The following CSE1L variants were observed in gnomAD, a reference collection of about 807,000 sequenced individuals.
CSE1L encodes the protein exportin-2.
Under a neutral mutation model 120.4 loss-of-function variants are expected in CSE1L, and 24 were observed. The ratio of observed to expected loss-of-function variants is 0.20; its 90% CI spans 0.14 to 0.28. CSE1L has a LOEUF of 0.28. Ranked by LOEUF, CSE1L falls within the 10% of genes least tolerant of loss-of-function variation. The pLI, the probability that CSE1L is intolerant of heterozygous loss-of-function variation, is 1.00. For missense variants in CSE1L, 830 were observed against 1,145.2 expected (o/e 0.72, Z 3.97); for synonymous variants, 402 against 398.3 (o/e 1.01, Z -0.11).
chr20:49,091,471 C>T (rs1421094970), intron 21 of CSE1L, among the ~76,000 whole-genome samples: 2 of 150,444 alleles, frequency 1.3e-5, no homozygotes, highest in Non-Finnish European at 3.0e-5. Context: ...CAGTGGCTCT[C>T]ATCTGTAATC....
chr20:49,080,539 C>A (rs543935352), intron 14 of CSE1L, among the ~76,000 whole-genome samples: 1 of 152,100 alleles, frequency 6.6e-6, no homozygotes, highest in Non-Finnish European at 1.5e-5. Flanking sequence ...GGCAATGGAA[C>A]GATCTCGGCT....
chr20:49,085,477 T>A, intron 16 of CSE1L, 91 bp downstream of exon 16: 1 of 760,172 alleles, frequency 1.3e-6, no homozygotes, highest in Non-Finnish European at 2.1e-6. Context: ...TTATACAGTC[T>A]ATGAACCAGA....
chr20:49,078,835 A>G (rs2091988753), intron 14 of CSE1L, among the ~76,000 whole-genome samples: 1 of 152,220 alleles, frequency 6.6e-6, no homozygotes, highest in Non-Finnish European at 1.5e-5. Flanking sequence ...TAATGTCCAC[A>G]CATTGCTTAC....
chr20:49,080,662 G>A (rs752847688), intron 14 of CSE1L, among the ~76,000 whole-genome samples: 14 of 152,080 alleles, frequency 9.2e-5, no homozygotes, highest in Admixed American at 2.0e-4. Flanking sequence ...TTTTAGTAGA[G>A]ACGGGGTTTC....
intron 3 of CSE1L, among the ~76,000 whole-genome samples, chr20:49,065,313 ATTTTTTTTTTTTTTTT>A (rs376073464): frequency 5.8e-5 from 3 of 52,080 alleles, no homozygotes; most frequent in Non-Finnish European, 1.1e-4. Flanking sequence ...TGAAAAAAAA[ATTTTTTTTTTTTTTTT>A]TTTTTTTTTT....
chr20:49,051,703 T>C (rs2091767512), intron 1 of CSE1L, among the ~76,000 whole-genome samples: 1 of 152,200 alleles, frequency 6.6e-6, no homozygotes, highest in Non-Finnish European at 1.5e-5. Context: ...AGGATAAATT[T>C]TATCTTTTTT....
At chr20:49,085,148 ACTGT>A (rs1568783637) in intron 15 of CSE1L, 131 bp from the exon 16 acceptor site, 6 of 670,562 alleles carry the variant, frequency 8.9e-6, no homozygotes, top group Non-Finnish European at 7.9e-6. Flanking sequence ...ATTTTCCTAA[ACTGT>A]CTATCAATTG....
chr20:49,051,372 G>A (rs892733116), intron 1 of CSE1L, among the ~76,000 whole-genome samples: 2 of 138,706 alleles, frequency 1.4e-5, no homozygotes, highest in Admixed American at 6.9e-5. Flanking sequence ...CGGTGAAACC[G>A]CATCTTTACT....
At chr20:49,060,775 CAAA>C (rs3092475) in intron 2 of CSE1L, among the ~76,000 whole-genome samples, 6 of 136,776 alleles carry the variant, frequency 4.4e-5, no homozygotes, top group Non-Finnish European at 8.0e-5. Context: ...GACTTTGTCT[CAAA>C]AAAAAAAAAA....
At chr20:49,072,083 T>G (rs6512567) in intron 8 of CSE1L, among the ~76,000 whole-genome samples, 54,944 of 152,062 alleles carry the variant, frequency 0.36, 10,748 homozygotes, top group African/African-American at 0.53. Flanking sequence ...ACTGTTTGAA[T>G]CTAATACGGA....
chr20:49,092,195 ATC>A (rs1790296138), intron 22 of CSE1L, 68 bp downstream of exon 22: 1 of 807,752 alleles, frequency 1.2e-6, no homozygotes, highest in Admixed American at 2.6e-5. Flanking sequence ...ACAAATCAGT[ATC>A]TCTGTCTTAT....
intron 6 of CSE1L, among the ~76,000 whole-genome samples, chr20:49,067,674 A>G (rs545532840): frequency 1.3e-5 from 2 of 152,102 alleles, no homozygotes; most frequent in East Asian, 3.9e-4. Flanking sequence ...ACTTTCCTGA[A>G]TGTGTTCTTG....
At chr20:49,070,129 A>G (rs2091921655) in intron 7 of CSE1L, 76 bp from the exon 8 acceptor site, 1 of 685,350 alleles carries the variant, frequency 1.5e-6, no homozygotes, top group Non-Finnish European at 2.5e-6. Context: ...TGTTTTGTCC[A>G]CGTGGTAAGG....
rs1408648985 is a variant in CSE1L, at chr20:49,091,040, G to A, written c.2365+18G>A. On this transcript the variant is annotated intron_variant, in intron 21 of 24. Transcript: ENST00000262982. ...TATCAAGAGTAAGTAAAATCATCTG[G>A]ATGTTCTACAGAAGTAATGAAAGAA... The A allele has an allele frequency of 1.4e-6, 2 of 1,466,644 alleles. No individual in the cohort carries two copies. The highest frequency in any genetic ancestry group is 2.3e-5 in the South Asian group (2 of 86,520). 90.9% of individuals were successfully genotyped at this position (1,466,644 alleles called of 1,614,324 possible).
chr20:49,084,397 A>G (rs774156662), intron 15 of CSE1L, among the ~76,000 whole-genome samples: 3 of 152,186 alleles, frequency 2.0e-5, no homozygotes, highest in Non-Finnish European at 4.4e-5. Flanking sequence ...AAGTTAATAA[A>G]CAGAAATGTG....
At chr20:49,053,849 C>T (rs150721538) in intron 1 of CSE1L, among the ~76,000 whole-genome samples, 12 of 152,116 alleles carry the variant, frequency 7.9e-5, no homozygotes, top group African/African-American at 2.2e-4. Context: ...CCACCACGCC[C>T]GGCTAATTTT....
chr20:49,091,103 A>AT, intron 21 of CSE1L, 81 bp downstream of exon 21: 3 of 988,162 alleles, frequency 3.0e-6, no homozygotes, highest in South Asian at 1.4e-5. Context: ...TTGCAGATAC[A>AT]TTTTTTATCC....
At chr20:49,058,311 A>C (rs562330825) in intron 1 of CSE1L, 142 bp from the exon 2 acceptor site, 3 of 450,028 alleles carry the variant, frequency 6.7e-6, no homozygotes, top group Non-Finnish European at 1.2e-5. Flanking sequence ...CTCTTGTCTC[A>C]GAGTCAGGTT....
chr20:49,087,369 TGAG>T (rs1283852547), intron 16 of CSE1L, among the ~76,000 whole-genome samples: 4 of 138,110 alleles, frequency 2.9e-5, no homozygotes, highest in Non-Finnish European at 6.3e-5. Context: ...TTTTTTTTTT[TGAG>T]AGAGAGAGGG....
Sources: gnomAD v4.1 joint callset for allele counts (sites outside exome capture counted in the v4.1 genomes callset) on GRCh38, gnomAD v4.1.1 for gene constraint, MANE v1.5 for transcripts, NCBI Gene and HGNC (gene_info 2026-07-23, HGNC 2026-07-21) for gene names.